KAZN: variants seen among roughly 807,000 people sequenced by gnomAD.
The protein encoded by KAZN is kazrin, periplakin interacting protein, also known as kazrin.
A neutral mutation model predicts 87.4 loss-of-function variants in KAZN; 40 were observed. The observed-to-expected ratio is 0.46, with a 90% CI of 0.36 to 0.60. The LOEUF (loss-of-function observed/expected upper bound fraction) is 0.60. Ranked by LOEUF, KAZN falls within the 20% of genes least tolerant of loss-of-function variation. The pLI is 0.00. For synonymous variants in KAZN, 466 were observed against 458.3 expected (o/e 1.02, Z -0.22); for missense variants, 898 against 1,073.9 (o/e 0.84, Z 2.29).
At chr1:14,098,415 A>G (rs1159796624) in intron 1 of KAZN, among the ~76,000 whole-genome samples, 1 of 152,196 alleles carries the variant, frequency 6.6e-6, no homozygotes, top group Non-Finnish European at 1.5e-5. Context: ...GAATTAACCT[A>G]TGCAGCTATA....
At chr1:14,883,321 AG>A (rs1653564327) in intron 1 of KAZN, among the ~76,000 whole-genome samples, 3 of 37,066 alleles carry the variant, frequency 8.1e-5, no homozygotes, top group African/African-American at 2.1e-4. Context: ...AGAAAGAAAG[AG>A]AGAGAGAGAG....
At chr1:14,549,581 T>C (rs1673373532) in intron 2 of KAZN, among the ~76,000 whole-genome samples, 1 of 151,580 alleles carries the variant, frequency 6.6e-6, no homozygotes, top group Non-Finnish European at 1.5e-5. Context: ...TACGAACAGA[T>C]ACACTGTGGT....
At chr1:14,209,317 C>A (rs1329702779) in intron 2 of KAZN, among the ~76,000 whole-genome samples, 1 of 152,202 alleles carries the variant, frequency 6.6e-6, no homozygotes, top group Non-Finnish European at 1.5e-5. Context: ...ACTCGCTACT[C>A]CTTGGTGTGG....
chr1:14,260,877 G>A (rs537455091), intron 2 of KAZN, among the ~76,000 whole-genome samples: 2 of 152,198 alleles, frequency 1.3e-5, no homozygotes, highest in Non-Finnish European at 2.9e-5. Context: ...GTAAAGTGAG[G>A]AGTTGGAATT....
intron 2 of KAZN, among the ~76,000 whole-genome samples, chr1:14,428,321 G>A (rs1455405032): frequency 6.6e-6 from 1 of 152,076 alleles, no homozygotes; most frequent in African/African-American, 2.4e-5. Flanking sequence ...CATTCTGTAG[G>A]ATATACCCTC....
At chr1:14,321,733 A>G (rs1656064963) in intron 2 of KAZN, among the ~76,000 whole-genome samples, 1 of 152,188 alleles carries the variant, frequency 6.6e-6, no homozygotes, top group African/African-American at 2.4e-5. Context: ...GTGGTGGGGC[A>G]ATATTTTTCT....
chr1:14,156,312 G>A (rs764450974), intron 1 of KAZN, among the ~76,000 whole-genome samples: 107 of 152,102 alleles, frequency 7.0e-4, no homozygotes, highest in Non-Finnish European at 3.5e-4. Flanking sequence ...AATATTCTGC[G>A]GCTGTTGCAT....
intron 1 of KAZN, among the ~76,000 whole-genome samples, chr1:14,072,567 G>A (rs1643289654): frequency 6.6e-6 from 1 of 152,170 alleles, no homozygotes; most frequent in Non-Finnish European, 1.5e-5. Context: ...ATGTGGGAAA[G>A]GTGTGTGCAA....
At chr1:14,764,978 G>T (rs1009673986) in intron 1 of KAZN, among the ~76,000 whole-genome samples, 1 of 152,212 alleles carries the variant, frequency 6.6e-6, no homozygotes, top group Non-Finnish European at 1.5e-5. Flanking sequence ...AGCAGAACCA[G>T]GCTTGGAACC....
intron 8 of KAZN, among the ~76,000 whole-genome samples, chr1:15,082,537 C>A (rs1296477438): frequency 1.3e-5 from 2 of 152,146 alleles, no homozygotes; most frequent in Non-Finnish European, 2.9e-5. Context: ...TAAGTCTTTC[C>A]CATAGCTGCT....
intron 1 of KAZN, among the ~76,000 whole-genome samples, chr1:13,922,205 T>C (rs1640094560): frequency 6.6e-6 from 1 of 152,188 alleles, no homozygotes; most frequent in Admixed American, 6.5e-5. Context: ...GACTTGGCTC[T>C]GTCTATTCTT....
At chr1:14,691,685 C>T (rs1641318602) in intron 1 of KAZN, among the ~76,000 whole-genome samples, 1 of 152,122 alleles carries the variant, frequency 6.6e-6, no homozygotes, top group Non-Finnish European at 1.5e-5. Flanking sequence ...CGGGGTTTTG[C>T]CATGTTGGCC....
intron 1 of KAZN, among the ~76,000 whole-genome samples, chr1:14,117,168 G>T (rs1223821926): frequency 1.3e-5 from 2 of 152,270 alleles, no homozygotes; most frequent in East Asian, 1.9e-4. Context: ...GATTGGTTTT[G>T]ATATGTGAGG....
Position 14,912,869 on chromosome 1 carries a change from C to T in KAZN, c.227-47815C>T, listed in dbSNP as rs886213527. Reference sequence around the variant, plus strand: ...ATGCAAGTCCTACTTCTCTCTTTTACCCTCGGTTTACTCCGTTTTAAAATG... The same window carrying T: ...ATGCAAGTCCTACTTCTCTCTTTTATCCTCGGTTTACTCCGTTTTAAAATG... On this transcript the variant is annotated intron_variant, in intron 1 of 14. Coordinates refer to ENST00000376030, the MANE Select transcript of KAZN (RefSeq NM_201628.3). Among the ~76,000 whole-genome samples, 3 of 152,178 alleles carry T rather than the reference C, an allele frequency of 2.0e-5. 1 individual carries two copies. The highest frequency in any genetic ancestry group is 4.1e-4 in the South Asian group (2 of 4,830).
intron 2 of KAZN, among the ~76,000 whole-genome samples, chr1:14,413,593 GAAAAAAAAAAAAAAAA>G (rs1169921344): frequency 3.0e-5 from 2 of 66,078 alleles, no homozygotes; most frequent in Admixed American, 2.0e-4. Flanking sequence ...CGTCTCAAAA[GAAAAAAAAAAAAAAAA>G]AAAAAAAAAA....
At chr1:14,944,713 G>A (rs770962013) in intron 1 of KAZN, among the ~76,000 whole-genome samples, 1 of 152,194 alleles carries the variant, frequency 6.6e-6, no homozygotes, top group African/African-American at 2.4e-5. Context: ...CCTTTATTTA[G>A]GACAATAAAA....
chr1:14,257,028 C>T (rs570492043), intron 2 of KAZN, among the ~76,000 whole-genome samples: 2 of 152,292 alleles, frequency 1.3e-5, no homozygotes, highest in Non-Finnish European at 2.9e-5. Flanking sequence ...GAGGCTGTAA[C>T]AATGTTTAAT....
At chr1:14,017,618 A>C (rs564087596) in intron 1 of KAZN, among the ~76,000 whole-genome samples, 1 of 152,198 alleles carries the variant, frequency 6.6e-6, no homozygotes, top group South Asian at 2.1e-4. Context: ...TTACACCCCA[A>C]TGCTTCACCA....
Position 14,184,123 on chromosome 1 carries a change from C to T in KAZN, c.249+3531C>T, listed in dbSNP as rs938868610. Among the ~76,000 whole-genome samples the T allele has an allele frequency of 6.6e-6, 1 of 152,136 alleles. No individual in the cohort carries two copies. Among genetic ancestry groups the T allele is most frequent in the South Asian group, 2.1e-4 (1 of 4,828 alleles). ...TAAACAAATCTCGAACAAAGTCCAT[C>T]GTTAGGCGGAAAAGACCTGAAATTT... On this transcript the variant is annotated intron_variant, in intron 2 of 16. Transcript: ENST00000636203. The surrounding 1 kb of genome is among the most constrained non-coding windows in gnomAD (Gnocchi z 4.2).
Sources: gnomAD v4.1 joint callset for allele counts (sites outside exome capture counted in the v4.1 genomes callset) on GRCh38, gnomAD v4.1.1 for gene constraint, Gnocchi (gnomAD v3.1) non-coding constraint, MANE v1.5 for transcripts, NCBI Gene and HGNC (gene_info 2026-07-23, HGNC 2026-07-21) for gene names.